The following KCNMA1 variants were observed in gnomAD, a reference collection of about 807,000 sequenced individuals.
The protein encoded by KCNMA1 is Calcium-activated potassium channel subunit alpha-1.
A neutral mutation model predicts 140.0 loss-of-function variants in KCNMA1; 29 were observed. The observed-to-expected ratio is 0.21, with a 90% confidence interval of 0.15 to 0.28. The LOEUF (loss-of-function observed/expected upper bound fraction) is 0.28, where lower values mean the gene tolerates loss of function less well. KCNMA1 is among the 10% of genes least tolerant of loss of function. The pLI is 1.00. For missense variants in KCNMA1, 880 were observed against 1,602.2 expected, an observed-to-expected ratio of 0.55 and a Z score of 7.70; for synonymous variants, 612 against 611.9, an observed-to-expected ratio of 1.00 and a Z score of 0.00.
intron 1 of KCNMA1, among the ~76,000 whole-genome samples, chr10:77,452,493 T>C (rs1223237470): frequency 6.6e-6 from 1 of 152,230 alleles, no homozygotes; most frequent in Admixed American, 6.5e-5. Flanking sequence ...TTATTTATAA[T>C]TGACAAGGTT....
chr10:77,185,899 G>A (rs1464374360), intron 3 of KCNMA1, among the ~76,000 whole-genome samples: 5 of 152,142 alleles, frequency 3.3e-5, no homozygotes, highest in Admixed American at 6.6e-5. Flanking sequence ...GGCCAGGAAC[G>A]TGAAGGTGAA....
At chr10:77,317,088 C>T (rs754211816) in intron 2 of KCNMA1, among the ~76,000 whole-genome samples, 1 of 152,156 alleles carries the variant, frequency 6.6e-6, no homozygotes, top group Non-Finnish European at 1.5e-5. Context: ...CACACAGCGT[C>T]ACGTACCTGT....
downstream of KCNMA1, among the ~76,000 whole-genome samples, chr10:76,883,552 G>T (rs554694210): frequency 6.6e-6 from 1 of 152,262 alleles, no homozygotes; most frequent in Admixed American, 6.5e-5. Context: ...CGTGCCTTCT[G>T]GTTTACCAGC....
At chr10:77,507,137 T>A (rs2046433722) in intron 1 of KCNMA1, among the ~76,000 whole-genome samples, 1 of 152,236 alleles carries the variant, frequency 6.6e-6, no homozygotes, top group African/African-American at 2.4e-5. Context: ...AAAACATTTT[T>A]AAATTTAAAA....
At chr10:77,185,005 G>A (rs11596909) in intron 3 of KCNMA1, 89 bp from the exon 4 acceptor site, 13,447 of 816,916 alleles carry the variant, frequency 0.016, 163 homozygotes, top group Non-Finnish European at 0.024. Flanking sequence ...TAGTGCTTAG[G>A]GTAGACGATG....
chr10:77,391,841 C>T (rs552239329), intron 2 of KCNMA1, among the ~76,000 whole-genome samples: 68 of 151,836 alleles, frequency 4.5e-4, no homozygotes, highest in African/African-American at 2.4e-4. Flanking sequence ...TCCCCTGCAA[C>T]GACAAAGGCT....
At chr10:77,411,491 G>A (rs1209386766) in intron 1 of KCNMA1, among the ~76,000 whole-genome samples, 3 of 152,152 alleles carry the variant, frequency 2.0e-5, no homozygotes, top group Non-Finnish European at 4.4e-5. Flanking sequence ...ACAGATGAGA[G>A]GTTAAGTAGC....
At chr10:76,967,670 A>T (rs2074461769) in intron 20 of KCNMA1, among the ~76,000 whole-genome samples, 1 of 152,136 alleles carries the variant, frequency 6.6e-6, no homozygotes, top group African/African-American at 2.4e-5. Context: ...GGGATGGCCC[A>T]TTCCAGCTGG....
chr10:76,988,099 G>C (rs1348500262), intron 19 of KCNMA1, among the ~76,000 whole-genome samples: 2 of 152,190 alleles, frequency 1.3e-5, no homozygotes, highest in Admixed American at 6.5e-5. Context: ...TTGGCCATCG[G>C]TAGGAGGAAA....
chr10:76,959,887 C>T (rs1006310760), intron 20 of KCNMA1, among the ~76,000 whole-genome samples: 2 of 152,140 alleles, frequency 1.3e-5, no homozygotes, highest in Non-Finnish European at 2.9e-5. Context: ...CTGTTATTAT[C>T]GGGCTCTGTG....
intron 14 of KCNMA1, among the ~76,000 whole-genome samples, chr10:77,050,353 C>G (rs989432579): frequency 6.6e-6 from 1 of 151,480 alleles, no homozygotes; most frequent in Non-Finnish European, 1.5e-5. Context: ...ACATTTGAAT[C>G]CACATAGGAA....
intron 14 of KCNMA1, among the ~76,000 whole-genome samples, chr10:77,045,421 C>T (rs933946791): frequency 1.1e-4 from 16 of 152,344 alleles, no homozygotes; most frequent in Non-Finnish European, 2.1e-4. Flanking sequence ...ATCAAATACA[C>T]ACGGGATCAT....
At chr10:77,061,063 G>T (rs974709096) in intron 14 of KCNMA1, among the ~76,000 whole-genome samples, 1 of 152,150 alleles carries the variant, frequency 6.6e-6, no homozygotes, top group Non-Finnish European at 1.5e-5. Context: ...GTAATTTATT[G>T]CAGTAGCCAT....
chr10:77,219,481 G>A (rs144420884), intron 3 of KCNMA1, among the ~76,000 whole-genome samples: 1,805 of 152,176 alleles, frequency 0.012, 24 homozygotes, highest in Non-Finnish European at 0.016. Flanking sequence ...GCTTTTCCCT[G>A]AGCCCTAAAC....
chr10:77,007,055 T>C (rs771042924), intron 18 of KCNMA1, among the ~76,000 whole-genome samples: 7 of 152,202 alleles, frequency 4.6e-5, no homozygotes, highest in Non-Finnish European at 1.0e-4. Context: ...CCAGAGCCAT[T>C]GGACTGAACT....
intron 23 of KCNMA1, among the ~76,000 whole-genome samples, chr10:76,941,018 G>GAAAGAAAGAAAGAAAGAAAGA (rs2061877247): frequency 5.5e-4 from 21 of 38,246 alleles, no homozygotes; most frequent in African/African-American, 2.0e-3. Context: ...AGGAAGGAAG[G>GAAAGAAAGAAAGAAAGAAAGA]AAGAAAGAAA....
At chr10:76,956,702 A>G (rs2068458309) in intron 20 of KCNMA1, among the ~76,000 whole-genome samples, 1 of 152,210 alleles carries the variant, frequency 6.6e-6, no homozygotes, top group Non-Finnish European at 1.5e-5. Flanking sequence ...TATATACACC[A>G]ATAGTTCAAT....
rs537427138 is a variant in KCNMA1 at position 77,130,247 on chromosome 10, T to C, written c.809-9199A>G. ...CTAAGTATTCACACAACCATTCTGT[T>C]TTTCACTTTCAGTACAGTATTCAAT... is the stretch of plus-strand genomic sequence containing the variant. On this transcript the variant is annotated intron_variant, in intron 5 of 27. Coordinates refer to ENST00000286628, the MANE Select transcript of KCNMA1 (RefSeq NM_001161352.2). Among the ~76,000 whole-genome samples the C allele has an allele frequency of 1.3e-4, 20 of 152,334 alleles. No homozygotes were observed. The East Asian group carries it at 3.7e-3, about 28-fold the overall frequency.
intron 5 of KCNMA1, among the ~76,000 whole-genome samples, chr10:77,152,569 G>A (rs1370896288): frequency 6.6e-6 from 1 of 152,134 alleles, no homozygotes; most frequent in Non-Finnish European, 1.5e-5. Flanking sequence ...GGCTTTATGT[G>A]TAAACAGAAG....
Sources: allele counts gnomAD v4.1 joint callset (sites outside exome capture counted in the v4.1 genomes callset), GRCh38; gene constraint gnomAD v4.1.1; transcripts MANE v1.5; gene names NCBI Gene and HGNC (gene_info 2026-07-23, HGNC 2026-07-21).